The following NHS variants were observed in gnomAD, a reference collection of about 807,000 sequenced individuals.
NHS encodes the protein NHS actin remodeling regulator, also known as actin remodeling regulator NHS.
Under a neutral mutation model 72.5 loss-of-function variants are expected in NHS, and 5 were observed. That is an observed-to-expected ratio of 0.07 (90% confidence interval 0.04 to 0.14). The LOEUF (loss-of-function observed/expected upper bound fraction) is 0.14. Among genes scored for constraint, NHS ranks in the 10% least tolerant of loss-of-function variants. The pLI is 1.00. For missense variants in NHS, 1,072 were observed against 1,355.7 expected (o/e 0.79, Z 3.29); for synonymous variants, 464 against 547.7 (o/e 0.85, Z 2.13).
chrX:17,383,777 T>C (rs1305658678), intron 1 of NHS, among the ~76,000 whole-genome samples: 3 of 111,889 alleles, frequency 2.7e-5, no homozygotes, highest in African/African-American at 9.8e-5. Flanking sequence ...AGCCAAACCA[T>C]ATCAGTGGGT....
chrX:17,593,535 G>A (rs765857863), intron 1 of NHS, among the ~76,000 whole-genome samples: 8 of 110,376 alleles, frequency 7.2e-5, no homozygotes, highest in Admixed American at 9.7e-5. Context: ...CAACTTAATG[G>A]GGATGATTTC....
chrX:17,403,765 C>A (rs2064513759), intron 1 of NHS, among the ~76,000 whole-genome samples: 1 of 111,489 alleles, frequency 9.0e-6, no homozygotes, highest in Non-Finnish European at 1.9e-5. Context: ...CTGCCCCAGG[C>A]CCTTCTTGAT....
At chrX:17,730,999 T>C (rs943409918) in intron 8 of NHS, among the ~76,000 whole-genome samples, 4 of 110,914 alleles carry the variant, frequency 3.6e-5, no homozygotes, top group Admixed American at 1.9e-4. Context: ...AATAGTATAA[T>C]GTCTGCTGAC....
chrX:17,389,404 T>C (rs2064428466), intron 1 of NHS, among the ~76,000 whole-genome samples: 1 of 111,073 alleles, frequency 9.0e-6, no homozygotes, highest in South Asian at 3.8e-4. Flanking sequence ...AATTAGTGAT[T>C]CCATTTATAA....
chrX:17,409,588 AG>A (rs1046490270), intron 1 of NHS, among the ~76,000 whole-genome samples: 1 of 111,393 alleles, frequency 9.0e-6, no homozygotes, highest in Non-Finnish European at 1.9e-5. Context: ...TACATGTCTA[AG>A]GGGTGTCACC....
At chrX:17,376,489 C>A (rs774976150) in intron 1 of NHS, among the ~76,000 whole-genome samples, 167 bp downstream of exon 1, 1 of 112,689 alleles carries the variant, frequency 8.9e-6, no homozygotes, top group Non-Finnish European at 1.9e-5. Context: ...CACCCCAATC[C>A]TCCTGGGGCT....
chrX:17,584,417 G>A (rs1377016961), intron 1 of NHS, among the ~76,000 whole-genome samples: 2 of 111,995 alleles, frequency 1.8e-5, no homozygotes, highest in Non-Finnish European at 3.8e-5. Context: ...CTTGCCTGCT[G>A]CCTTGGTGGG....
At chrX:17,385,321 C>T (rs2064401022) in intron 1 of NHS, among the ~76,000 whole-genome samples, 1 of 111,029 alleles carries the variant, frequency 9.0e-6, no homozygotes, top group Non-Finnish European at 1.9e-5. Context: ...CGAGACTAGA[C>T]TGGGCAACAT....
chrX:17,731,622 C>G (rs192400471), intron 8 of NHS, among the ~76,000 whole-genome samples: 101 of 111,198 alleles, frequency 9.1e-4, no homozygotes, highest in African/African-American at 3.2e-3. Context: ...AAATGATCAT[C>G]TCTAGAACCT....
chrX:17,596,018 T>C (rs2084514579), intron 1 of NHS, among the ~76,000 whole-genome samples: 1 of 100,655 alleles, frequency 9.9e-6, no homozygotes, highest in Non-Finnish European at 2.0e-5. Flanking sequence ...TTACAGACAA[T>C]TTGCTTACCT....
chrX:17,723,725 A>AGG (rs1299736937), intron 5 of NHS, among the ~76,000 whole-genome samples: 7 of 34,952 alleles, frequency 2.0e-4, no homozygotes, highest in East Asian at 1.4e-3. Context: ...ACAGCAAAAG[A>AGG]GGTGTGTGTG....
chrX:17,429,426 C>T (rs1363769006), intron 1 of NHS, among the ~76,000 whole-genome samples: 1 of 111,552 alleles, frequency 9.0e-6, no homozygotes, highest in East Asian at 2.8e-4. Context: ...TCCAGTAAGA[C>T]CTTTGGAGAA....
chrX:17,430,294 T>TCTTTC (rs1555988180), intron 1 of NHS, among the ~76,000 whole-genome samples: 2 of 86,110 alleles, frequency 2.3e-5, no homozygotes, highest in Non-Finnish European at 4.4e-5. Context: ...TTTCTTTCTT[T>TCTTTC]CTTTCTTTCT....
chrX:17,678,168 G>GA (rs1239584222), intron 1 of NHS, among the ~76,000 whole-genome samples: 1 of 111,256 alleles, frequency 9.0e-6, no homozygotes, highest in Non-Finnish European at 1.9e-5. Flanking sequence ...AAACGTACTT[G>GA]AAAAAATTGC....
chrX:17,576,937 C>A (rs774567397), intron 1 of NHS, among the ~76,000 whole-genome samples: 5 of 111,816 alleles, frequency 4.5e-5, no homozygotes, highest in Non-Finnish European at 9.4e-5. Context: ...CCTCCCAGTG[C>A]ACAGACAGGA....
At chrX:17,382,365 T>A (rs949531424) in intron 1 of NHS, among the ~76,000 whole-genome samples, 1 of 112,097 alleles carries the variant, frequency 8.9e-6, no homozygotes, top group Non-Finnish European at 1.9e-5. Context: ...TTTCAATCTC[T>A]TAGTGTTATA....
At chrX:17,586,344 G>A (rs937269812) in intron 1 of NHS, 15 of 111,389 alleles carry the variant, frequency 1.3e-4, no homozygotes, top group African/African-American at 4.3e-4. Context: ...ACAAGCCACC[G>A]CCCTAAAGGT....
chrX:17,386,663 C>CAAAAA (rs1184465152), intron 1 of NHS, among the ~76,000 whole-genome samples: 1 of 38,389 alleles, frequency 2.6e-5, no homozygotes, highest in African/African-American at 9.0e-5. Flanking sequence ...AACTCTGTCT[C>CAAAAA]AAAAAAAAAA....
intron 1 of NHS, among the ~76,000 whole-genome samples, chrX:17,493,422 GTTAT>G (rs2064999675): frequency 8.9e-6 from 1 of 111,984 alleles, no homozygotes; most frequent in Non-Finnish European, 1.9e-5. Context: ...TGCTGCATTA[GTTAT>G]TTATTCATTT....
Sources: gnomAD v4.1 joint callset for allele counts (sites outside exome capture counted in the v4.1 genomes callset) on GRCh38, gnomAD v4.1.1 for gene constraint, MANE v1.5 for transcripts, NCBI Gene and HGNC (gene_info 2026-07-23, HGNC 2026-07-21) for gene names.